The following ST8SIA1 variants were observed in gnomAD, a reference collection of about 807,000 sequenced individuals.
ST8SIA1 encodes the protein alpha-N-acetylneuraminide alpha-2,8-sialyltransferase.
Under a neutral mutation model 35.9 loss-of-function variants are expected in ST8SIA1, and 16 were observed. The ratio of observed to expected loss-of-function variants is 0.45; its 90% CI spans 0.30 to 0.68. The LOEUF is 0.68. Among genes scored for constraint, ST8SIA1 ranks in the 30% least tolerant of loss-of-function variants. The probability of loss-of-function intolerance (pLI) is 0.09; values close to 1 mark genes in which losing one functional copy is unlikely to be tolerated. For synonymous variants in ST8SIA1, 170 were observed against 169.6 expected (o/e 1.00, Z -0.02); for missense variants, 383 against 453.6 (o/e 0.84, Z 1.41).
At chr12:22,266,848 T>TACACACACACAC (rs145606826) in intron 2 of ST8SIA1, among the ~76,000 whole-genome samples, 1,551 of 145,020 alleles carry the variant, frequency 0.011, 9 homozygotes, top group Middle Eastern at 0.021. Context: ...CACAAAAGTA[T>TACACACACACAC]ACACACACAC....
chr12:22,215,262 C>T (rs540583172), intron 4 of ST8SIA1, among the ~76,000 whole-genome samples: 2 of 152,210 alleles, frequency 1.3e-5, no homozygotes, highest in Non-Finnish European at 2.9e-5. Context: ...TCTTGTGTCA[C>T]CCATACTCTC....
intron 2 of ST8SIA1, among the ~76,000 whole-genome samples, chr12:22,265,349 T>C (rs1429348283): frequency 6.6e-6 from 1 of 152,246 alleles, no homozygotes; most frequent in African/African-American, 2.4e-5. Context: ...ATGCCATTGC[T>C]AGACGTCATA....
chr12:22,267,293 A>T (rs1865860623), intron 2 of ST8SIA1, among the ~76,000 whole-genome samples: 1 of 152,152 alleles, frequency 6.6e-6, no homozygotes, highest in African/African-American at 2.4e-5. Context: ...CTGAACTATC[A>T]GGACCAGGAT....
intron 4 of ST8SIA1, among the ~76,000 whole-genome samples, chr12:22,208,359 C>A (rs1052287653): frequency 1.3e-5 from 2 of 151,744 alleles, no homozygotes; most frequent in Non-Finnish European, 2.9e-5. Context: ...ACAAAATAAT[C>A]AACTGAAAAA....
chr12:22,261,550 T>C (rs59923682), intron 2 of ST8SIA1, among the ~76,000 whole-genome samples: 9,351 of 152,286 alleles, frequency 0.061, 483 homozygotes, highest in South Asian at 0.17. Context: ...TAAGTACAGA[T>C]GAGATGATCA....
chr12:22,262,189 G>A (rs67244914), intron 2 of ST8SIA1, among the ~76,000 whole-genome samples: 9,354 of 152,212 alleles, frequency 0.061, 480 homozygotes, highest in South Asian at 0.17. Context: ...CTTGTTAAGT[G>A]CCAGCTGCAA....
intron 1 of ST8SIA1, among the ~76,000 whole-genome samples, chr12:22,319,174 G>A (rs566392833): frequency 1.1e-4 from 16 of 152,310 alleles, no homozygotes; most frequent in Middle Eastern, 6.8e-3. Flanking sequence ...ATAAGACTGT[G>A]TAGAGTGCTG....
chr12:22,274,422 T>C (rs188541651), intron 2 of ST8SIA1, among the ~76,000 whole-genome samples: 1 of 152,122 alleles, frequency 6.6e-6, no homozygotes, highest in East Asian at 1.9e-4. Context: ...GTAAAGACAA[T>C]GAGAGAAAAT....
In ST8SIA1 at chr12:22,195,936, C is replaced by CAAAA. The variant is rs759884955; in HGVS notation, c.*5612_*5615dup. On this transcript the variant is annotated 3_prime_UTR_variant, in exon 5 of 5. Coordinates refer to ENST00000396037, the MANE Select transcript of ST8SIA1 (RefSeq NM_003034.4). ...AAGCATACATTTTAAAAATAAACAT[C>CAAAA]AAAAGAAAGTTTAATTACATAGAAG... 2.6e-5 allele frequency: 4 copies of CAAAA among 151,464 alleles called. No individual in the cohort carries two copies. Among genetic ancestry groups the CAAAA allele is most frequent in the African/African-American group, 4.8e-5 (2 of 41,342 alleles). The allele number at this position is 151,464 out of a possible 1,614,324, so 9.4% of individuals were successfully genotyped here. A position where few individuals can be genotyped will look rare whatever the true frequency, so the allele number is the denominator to read the frequency against.
At chr12:22,263,492 A>T (rs1472875675) in intron 2 of ST8SIA1, among the ~76,000 whole-genome samples, 1 of 152,238 alleles carries the variant, frequency 6.6e-6, no homozygotes, top group African/African-American at 2.4e-5. Flanking sequence ...TAGAAATTTA[A>T]AATAATGAGG....
At chr12:22,264,035 T>C (rs1183560867) in intron 2 of ST8SIA1, among the ~76,000 whole-genome samples, 1 of 152,150 alleles carries the variant, frequency 6.6e-6, no homozygotes, top group Non-Finnish European at 1.5e-5. Flanking sequence ...TTTCTTTCTA[T>C]ATACCCTCAC....
At chr12:22,323,425 A>G (rs1426562167) in intron 1 of ST8SIA1, among the ~76,000 whole-genome samples, 1 of 152,226 alleles carries the variant, frequency 6.6e-6, no homozygotes, top group East Asian at 1.9e-4. Context: ...AACTAGTTCA[A>G]CCATTGTGGA....
At chr12:22,225,212 G>A (rs1035115747) in intron 4 of ST8SIA1, among the ~76,000 whole-genome samples, 1 of 152,176 alleles carries the variant, frequency 6.6e-6, no homozygotes, top group Non-Finnish European at 1.5e-5. Flanking sequence ...TGTTGTTTTT[G>A]TGGTTTGTGG....
rs549835924 is a variant in ST8SIA1 at position 22,263,852 on chromosome 12, T to C, written c.382-8463A>G. On this transcript the variant is annotated intron_variant, in intron 2 of 4. Coordinates refer to ENST00000396037, the MANE Select transcript of ST8SIA1 (RefSeq NM_003034.4). ...TGTTAGCTGCAGGTCTCAAACCATA[T>C]TGGAAAAGCACAGAGTTTGCTTTGC... is the stretch of plus-strand genomic sequence containing the variant. Among the ~76,000 whole-genome samples, 66 of 152,310 alleles carry C rather than the reference T, an allele frequency of 4.3e-4. 1 individual carries two copies. Among genetic ancestry groups the C allele is most frequent in the African/African-American group, 1.5e-3 (64 of 41,568 alleles).
At chr12:22,228,732 G>A (rs1445035550) in intron 4 of ST8SIA1, among the ~76,000 whole-genome samples, 1 of 152,122 alleles carries the variant, frequency 6.6e-6, no homozygotes, top group Non-Finnish European at 1.5e-5. Flanking sequence ...AGGAGACAGT[G>A]GTGGGGATGA....
intron 2 of ST8SIA1, among the ~76,000 whole-genome samples, chr12:22,265,886 C>T (rs993177183): frequency 2.0e-5 from 3 of 151,750 alleles, no homozygotes; most frequent in Admixed American, 1.3e-4. Context: ...AATCACTTTT[C>T]TAATAAAAAA....
rs1865031877 is a variant in ST8SIA1 at position 22,199,962 on chromosome 12, T to C, written c.*1590A>G. Reference sequence around the variant, plus strand: ...ACGAGAGGCTTCCCTTACCCTTCTCTGAAATGTAAACACATTTGGCTGCTT... The same window carrying C: ...ACGAGAGGCTTCCCTTACCCTTCTCCGAAATGTAAACACATTTGGCTGCTT... On this transcript the variant is annotated 3_prime_UTR_variant, in exon 5 of 5. Coordinates refer to ENST00000396037, the MANE Select transcript of ST8SIA1 (RefSeq NM_003034.4). The C allele has an allele frequency of 6.6e-6, 1 of 152,250 alleles. No homozygotes were observed. The highest frequency in any genetic ancestry group is 1.5e-5 in the Non-Finnish European group (1 of 68,052). 9.4% of individuals were successfully genotyped at this position (152,250 alleles called of 1,614,324 possible). A position where few individuals can be genotyped will look rare whatever the true frequency, so the allele number is the denominator to read the frequency against.
Position 22,200,749 on chromosome 12 carries a change from T to C in ST8SIA1, c.*803A>G, listed in dbSNP as rs1277104919. The C allele has an allele frequency of 6.6e-6, 1 of 152,174 alleles. No homozygotes were observed. Among genetic ancestry groups the C allele is most frequent in the African/African-American group, 2.4e-5 (1 of 41,450 alleles). The allele number at this position is 152,174 out of a possible 1,614,324, so 9.4% of individuals were successfully genotyped here. ...ATAATTCACTCATATTGGTAGTCTTTTGCACTAAAATAAAAATGACAATGC... is the reference window on the plus strand; with the variant it reads ...ATAATTCACTCATATTGGTAGTCTTCTGCACTAAAATAAAAATGACAATGC... On this transcript the variant is annotated 3_prime_UTR_variant, in exon 5 of 5. Transcript: ENST00000396037.
At chr12:22,305,379 CTTTTTTTTT>C (rs71053397) in intron 1 of ST8SIA1, among the ~76,000 whole-genome samples, 1 of 132,992 alleles carries the variant, frequency 7.5e-6, no homozygotes, top group Admixed American at 7.7e-5. Context: ...TTCCAGCATA[CTTTTTTTTT>C]TTTTTTTTTT....
Sources: allele counts gnomAD v4.1 joint callset (sites outside exome capture counted in the v4.1 genomes callset), GRCh38; gene constraint gnomAD v4.1.1; transcripts MANE v1.5; gene names NCBI Gene and HGNC (gene_info 2026-07-23, HGNC 2026-07-21).